The following EEPD1 variants were observed in gnomAD, a reference collection of about 807,000 sequenced individuals.
The protein encoded by EEPD1 is endonuclease/exonuclease/phosphatase family domain containing 1.
EEPD1 carries 17 observed loss-of-function variants against 46.3 expected under a neutral mutation model. The observed-to-expected ratio is 0.37, with a 90% CI of 0.25 to 0.55. The LOEUF (loss-of-function observed/expected upper bound fraction) is 0.55, where lower values mean the gene tolerates loss of function less well. Among genes scored for constraint, EEPD1 ranks in the 20% least tolerant of loss-of-function variants. The pLI, the probability that EEPD1 is intolerant of heterozygous loss-of-function variation, is 0.83. For missense variants in EEPD1, 673 were observed against 745.6 expected, an observed-to-expected ratio of 0.90 and a Z score of 1.13; for synonymous variants, 313 against 315.6, an observed-to-expected ratio of 0.99 and a Z score of 0.09.
rs201752562 is a variant in EEPD1, at chr7:36,284,642, G to A, written c.1042-44G>A. On this transcript the variant is annotated intron_variant, in intron 4 of 7. Transcript: ENST00000242108. Reference sequence around the variant, plus strand: ...TCTCTGCCTCCTTTCCCCAGGTGGCGCTAGGGCTCTGGCACCAAGACTCTG... The same window carrying A: ...TCTCTGCCTCCTTTCCCCAGGTGGCACTAGGGCTCTGGCACCAAGACTCTG... 2.8e-4 allele frequency: 445 copies of A among 1,591,244 alleles called. No homozygotes were observed. In the African/African-American group the frequency reaches 4.5e-3, roughly 16 times the overall value.
rs531216138 is a variant in EEPD1, at chr7:36,287,120, C to T, written c.1177-519C>T. 1.4e-3 allele frequency among the ~76,000 whole-genome samples: 207 copies of T among 151,332 alleles called. 1 individual carries two copies. The highest frequency in any genetic ancestry group is 2.8e-3 in the African/African-American group (116 of 41,196). The stretch of plus-strand genomic sequence containing the variant: ...GGCATGGTGGCACACACCTATAATC[C>T]CAGCTACTTGGGAGGCTGAGGCAGG... On this transcript the variant is annotated intron_variant, in intron 5 of 7. Transcript: ENST00000242108.
intron 3 of EEPD1, among the ~76,000 whole-genome samples, chr7:36,265,061 A>G (rs1448713339): frequency 2.0e-5 from 3 of 152,190 alleles, no homozygotes; most frequent in African/African-American, 2.4e-5. Context: ...TGAAGCCTTT[A>G]TTTTTATGAT....
chr7:36,154,458 C>T lies in EEPD1; in HGVS notation c.134C>T (p.Ala45Val). ...CAGGAGCGGCTCAACATCAACACTGCCACGGAGGAGGAGCTGATGACCCTG... is the reference window on the plus strand; with the variant it reads ...CAGGAGCGGCTCAACATCAACACTGTCACGGAGGAGGAGCTGATGACCCTG... ...VNQERLNINT[A>V]TEEELMTLPG... Residue 45 changes from alanine to valine, a missense_variant, in exon 2 of 8, where the codon GCC becomes GTC. Physicochemically the swap from Ala to Val is moderately conservative, Grantham distance 64. Transcript: ENST00000242108. The surrounding 1 kb of genome is among the most constrained non-coding windows in gnomAD (Gnocchi z 4.2). 1.2e-6 allele frequency: 2 copies of T among 1,614,210 alleles called. No individual in the cohort carries two copies. Among genetic ancestry groups the T allele is most frequent in the Non-Finnish European group, 1.7e-6 (2 of 1,180,044 alleles).
chr7:36,265,719 G>T (rs553902711), intron 3 of EEPD1, among the ~76,000 whole-genome samples: 1 of 152,202 alleles, frequency 6.6e-6, no homozygotes, highest in African/African-American at 2.4e-5. Context: ...CTTGGGTTAG[G>T]AAACCATCTC....
chr7:36,281,672 C>T (rs2115871567), intron 4 of EEPD1, among the ~76,000 whole-genome samples: 1 of 152,298 alleles, frequency 6.6e-6, no homozygotes, highest in East Asian at 1.9e-4. Flanking sequence ...AAATGTTCAG[C>T]AGATTTTGGT....
intron 2 of EEPD1, among the ~76,000 whole-genome samples, chr7:36,220,485 A>G (rs959852475): frequency 1.3e-5 from 2 of 152,208 alleles, no homozygotes; most frequent in Admixed American, 1.3e-4. Flanking sequence ...TGGAAGTTCC[A>G]TAGCTTCATC....
At chr7:36,287,905 A>C in intron 6 of EEPD1, 128 bp downstream of exon 6, 1 of 1,343,234 alleles carries the variant, frequency 7.4e-7, no homozygotes, top group Non-Finnish European at 1.0e-6. Context: ...TACAGGGGAC[A>C]GTCAAACCTC....
At chr7:36,233,719 G>C (rs1474681700) in intron 2 of EEPD1, among the ~76,000 whole-genome samples, 1 of 152,204 alleles carries the variant, frequency 6.6e-6, no homozygotes. Context: ...ACTGGAATGA[G>C]GGGATGAGAC....
intron 2 of EEPD1, among the ~76,000 whole-genome samples, chr7:36,158,576 T>A (rs1300008976): frequency 1.3e-5 from 2 of 152,196 alleles, no homozygotes; most frequent in African/African-American, 4.8e-5. Flanking sequence ...AGGACAGCAT[T>A]ATTTGATAAT....
chr7:36,296,513 C>G (rs1191094856), intron 6 of EEPD1, among the ~76,000 whole-genome samples: 1 of 152,038 alleles, frequency 6.6e-6, no homozygotes, highest in African/African-American at 2.4e-5. Context: ...GACCACCTTT[C>G]CCTGTGCTGT....
At chr7:36,259,985 C>G (rs756651321) in intron 3 of EEPD1, among the ~76,000 whole-genome samples, 38 of 152,164 alleles carry the variant, frequency 2.5e-4, no homozygotes, top group Non-Finnish European at 5.0e-4. Context: ...CATCTCTAAT[C>G]CCATGTAGCT....
chr7:36,285,503 C>G (rs951118819), intron 5 of EEPD1, among the ~76,000 whole-genome samples: 7 of 152,310 alleles, frequency 4.6e-5, no homozygotes, highest in African/African-American at 1.7e-4. Context: ...CGAGCGCAGT[C>G]TCTCTGGTTC....
At chr7:36,246,478 A>T (rs567511416) in intron 3 of EEPD1, among the ~76,000 whole-genome samples, 5 of 152,348 alleles carry the variant, frequency 3.3e-5, no homozygotes, top group Admixed American at 3.3e-4. Flanking sequence ...CCAAAGTGGC[A>T]GTAGCTGGTA....
chr7:36,202,173 G>A (rs1256537297), intron 2 of EEPD1, among the ~76,000 whole-genome samples: 1 of 152,182 alleles, frequency 6.6e-6, no homozygotes, highest in Non-Finnish European at 1.5e-5. Context: ...CACAGTGGAG[G>A]CTGAATAGGA....
At chr7:36,238,407 C>T (rs188178405) in intron 2 of EEPD1, among the ~76,000 whole-genome samples, 2 of 152,200 alleles carry the variant, frequency 1.3e-5, no homozygotes, top group African/African-American at 2.4e-5. Context: ...GATGGAATAG[C>T]TGTGGTTCAA....
chr7:36,287,505 G>A, intron 5 of EEPD1, 134 bp from the exon 6 acceptor site: 1 of 1,338,752 alleles, frequency 7.5e-7, no homozygotes, highest in Non-Finnish European at 1.0e-6. Context: ...TTATTTCCTG[G>A]GGGTGTGAGC....
At chr7:36,293,548 T>C (rs954856353) in intron 6 of EEPD1, among the ~76,000 whole-genome samples, 1 of 152,202 alleles carries the variant, frequency 6.6e-6, no homozygotes, top group Admixed American at 6.5e-5. Flanking sequence ...AAGGGCTTTT[T>C]GTAGAGCTCC....
chr7:36,154,807 C>T lies in EEPD1; in HGVS notation c.483C>T (p.Ile161=), dbSNP rs765245416. 3.7e-6 allele frequency: 6 copies of T among 1,614,202 alleles called. No homozygotes were observed. The East Asian group carries it at 1.1e-4, about 30-fold the overall frequency. The change falls in exon 2 of 8, where the codon ATC becomes ATT. Residue 161 remains isoleucine, a synonymous_variant. Coordinates refer to ENST00000242108, the MANE Select transcript of EEPD1 (RefSeq NM_030636.3). The surrounding 1 kb of genome is among the most constrained non-coding windows in gnomAD (Gnocchi z 4.2). ...RGLSEKMALS[I]VDFRREHGPF... ...TCTCGGAGAAAATGGCCCTCAGCATCGTGGACTTCCGCCGTGAGCATGGGC... is the reference window on the plus strand; with the variant it reads ...TCTCGGAGAAAATGGCCCTCAGCATTGTGGACTTCCGCCGTGAGCATGGGC...
Position 36,301,382 on chromosome 7 carries a change from A to G in EEPD1, c.*2176A>G, listed in dbSNP as rs540136603. On this transcript the variant is annotated 3_prime_UTR_variant, in exon 8 of 8. Transcript: ENST00000242108. ...TTTTATGTTTACAGAAAAATTAGGC[A>G]CAAAGGGATTCCCATATCCCTCCTC... 6.6e-6 allele frequency: 1 copy of G among 152,370 alleles called. No individual in the cohort carries two copies. The highest frequency in any genetic ancestry group is 1.9e-4 in the East Asian group (1 of 5,190). The allele number at this position is 152,370 out of a possible 1,614,324, so 9.4% of individuals were successfully genotyped here.
Sources: allele counts gnomAD v4.1 joint callset (sites outside exome capture counted in the v4.1 genomes callset), GRCh38; gene constraint gnomAD v4.1.1; non-coding constraint Gnocchi (gnomAD v3.1); transcripts MANE v1.5; gene names NCBI Gene and HGNC (gene_info 2026-07-23, HGNC 2026-07-21).